SPRED2: variants seen among roughly 807,000 people sequenced by gnomAD.
SPRED2 encodes the protein sprouty related EVH1 domain containing 2.
In SPRED2, 47 loss-of-function variants were observed where a neutral mutation model predicts 43.0. The ratio of observed to expected loss-of-function variants is 1.09; its 90% CI spans 0.87 to 1.40. SPRED2 has a LOEUF of 1.40. SPRED2 is among the 40% of genes most tolerant of loss of function. SPRED2 has a pLI of 0.00. For synonymous variants in SPRED2, 225 were observed against 225.7 expected, an observed-to-expected ratio of 1.00 and a Z score of 0.03; for missense variants, 561 against 586.4, an observed-to-expected ratio of 0.96 and a Z score of 0.45.
At chr2:65,411,074 G>C (rs926887431) in intron 1 of SPRED2, among the ~76,000 whole-genome samples, 4 of 152,120 alleles carry the variant, frequency 2.6e-5, no homozygotes, top group African/African-American at 4.8e-5. Flanking sequence ...TCTCTTTCAG[G>C]GTTTTCCATT....
rs1392022223 is a variant in SPRED2 at position 65,333,197 on chromosome 2, C to T, written c.374-1146G>A. ...ATGAGAATCGCTTGAACCTGGGAGA[C>T]GGAGGTTGCAGTGAGCCGAGATGGC... On this transcript the variant is annotated intron_variant, in intron 3 of 5. Transcript: ENST00000356388. Among the ~76,000 whole-genome samples, 6 of 147,002 alleles carry T rather than the reference C, an allele frequency of 4.1e-5. No homozygotes were observed. The South Asian group carries it at 6.4e-4, about 16-fold the overall frequency.
chr2:65,315,301 G>C lies in SPRED2; in HGVS notation c.589-1132C>G, dbSNP rs114679909. 5.7e-3 allele frequency among the ~76,000 whole-genome samples: 869 copies of C among 152,268 alleles called. 10 individuals carry two copies. Among genetic ancestry groups the C allele is most frequent in the African/African-American group, 0.02 (833 of 41,548 alleles). The stretch of plus-strand genomic sequence containing the variant: ...GGTTCCATTTCTGTCGAACTGCATA[G>C]GACTGTTTTGAGAATGAAGAGAAAC... On this transcript the variant is annotated intron_variant, in intron 5 of 5. Coordinates refer to ENST00000356388, the MANE Select transcript of SPRED2 (RefSeq NM_181784.3).
At chr2:65,359,937 TGCCTGTAGTCCCA>T (rs778289273) in intron 1 of SPRED2, among the ~76,000 whole-genome samples, 4 of 151,644 alleles carry the variant, frequency 2.6e-5, no homozygotes, top group Non-Finnish European at 5.9e-5. Context: ...TGGTTCTGTG[TGCCTGTAGTCCCA>T]GCTACTCGGG....
Position 65,312,392 on chromosome 2 carries a change from C to T in SPRED2, c.*1109G>A, listed in dbSNP as rs1438798689. On this transcript the variant is annotated 3_prime_UTR_variant, in exon 6 of 6. Coordinates refer to ENST00000356388, the MANE Select transcript of SPRED2 (RefSeq NM_181784.3). Reference sequence around the variant, plus strand: ...CCCATGAAGAAAATGCAACCCACCACTCTTCAAATTTATGACATTTAAAAA... The same window carrying T: ...CCCATGAAGAAAATGCAACCCACCATTCTTCAAATTTATGACATTTAAAAA... 1.0e-6 allele frequency: 1 copy of T among 985,308 alleles called. No individual in the cohort carries two copies. The highest frequency in any genetic ancestry group is 6.1e-5 in the Admixed American group (1 of 16,270). 61.0% of individuals were successfully genotyped at this position (985,308 alleles called of 1,614,324 possible). A position where few individuals can be genotyped will look rare whatever the true frequency, so the allele number is the denominator to read the frequency against.
chr2:65,312,853 G>T lies in SPRED2; in HGVS notation c.*648C>A. 1.0e-6 allele frequency: 1 copy of T among 985,866 alleles called. No homozygotes were observed. Among genetic ancestry groups the T allele is most frequent in the African/African-American group, 1.7e-5 (1 of 57,352 alleles). 61.1% of individuals were successfully genotyped at this position (985,866 alleles called of 1,614,324 possible). A position where few individuals can be genotyped will look rare whatever the true frequency, so the allele number is the denominator to read the frequency against. On this transcript the variant is annotated 3_prime_UTR_variant, in exon 6 of 6. Transcript: ENST00000356388. ...AACAGATTTTGGGGGGGCAGAAAAT[G>T]ATGATGGGCTAAAGATAGAAACTGC...
chr2:65,373,781 C>A (rs138351170), intron 1 of SPRED2: 1 of 152,168 alleles, frequency 6.6e-6, no homozygotes, highest in East Asian at 1.9e-4. Flanking sequence ...GGTAAACCCA[C>A]GGTAGACTGG....
intron 1 of SPRED2, among the ~76,000 whole-genome samples, chr2:65,399,383 C>A (rs1190511725): frequency 8.0e-6 from 1 of 125,388 alleles, no homozygotes; most frequent in Non-Finnish European, 1.7e-5. Context: ...AACTATTATT[C>A]TTTTTTTTTT....
At chr2:65,335,149 A>G (rs980709384) in intron 2 of SPRED2, among the ~76,000 whole-genome samples, 1 of 152,030 alleles carries the variant, frequency 6.6e-6, no homozygotes, top group South Asian at 2.1e-4. Flanking sequence ...CGAGGCTCCA[A>G]ATTCCAAAAG....
At position 65,312,170 on chromosome 2, in the gene SPRED2, G is replaced by A. The variant is rs747934204; in HGVS notation, c.*1331C>T. On this transcript the variant is annotated 3_prime_UTR_variant, in exon 6 of 6. Transcript: ENST00000356388. ...TTCCAGCTAATTAGAAGCCTCCTCC[G>A]TGGCAAGGCGACAGGCAGAACCAGT... 2.6e-5 allele frequency: 26 copies of A among 985,544 alleles called. No homozygotes were observed. Among genetic ancestry groups the A allele is most frequent in the African/African-American group, 7.0e-5 (4 of 57,198 alleles). 61.0% of individuals were successfully genotyped at this position (985,544 alleles called of 1,614,324 possible). A position where few individuals can be genotyped will look rare whatever the true frequency, so the allele number is the denominator to read the frequency against.
Position 65,377,312 on chromosome 2 carries a change from GA to G in SPRED2, c.27-32417del, listed in dbSNP as rs1447834127. Among the ~76,000 whole-genome samples the G allele has an allele frequency of 2.0e-5, 3 of 152,252 alleles. No individual in the cohort carries two copies. In the East Asian group the frequency reaches 5.8e-4, roughly 29 times the overall value. ...ATCAAGACAAAGCCCTTCTAAAGAAGAAAAAAGCTACAGAAAAATAAAACCA... is the reference window on the plus strand; with the variant it reads ...ATCAAGACAAAGCCCTTCTAAAGAAGAAAAAGCTACAGAAAAATAAAACCA... On this transcript the variant is annotated intron_variant, in intron 1 of 5. Transcript: ENST00000356388.
chr2:65,356,103 C>T (rs895451073), intron 1 of SPRED2, among the ~76,000 whole-genome samples: 2 of 152,160 alleles, frequency 1.3e-5, no homozygotes, highest in Admixed American at 6.5e-5. Context: ...ACTCCTATGC[C>T]TGACTTTCTC....
At chr2:65,405,984 C>A (rs566159778) in intron 1 of SPRED2, among the ~76,000 whole-genome samples, 1 of 152,188 alleles carries the variant, frequency 6.6e-6, no homozygotes, top group Non-Finnish European at 1.5e-5. Flanking sequence ...CTTCCTGGCA[C>A]TCATTTGGAG....
chr2:65,420,361 T>C (rs991825362), intron 1 of SPRED2, among the ~76,000 whole-genome samples: 1 of 152,196 alleles, frequency 6.6e-6, no homozygotes, highest in East Asian at 1.9e-4. Context: ...GTACCCCTTT[T>C]GGGGGGAAAC....
At chr2:65,366,529 G>C (rs777705521) in intron 1 of SPRED2, 340 of 1,513,412 alleles carry the variant, frequency 2.2e-4, no homozygotes, top group Non-Finnish European at 3.0e-4. Context: ...GCAGGCACCA[G>C]AAAGGTTAAG....
chr2:65,431,832 G>T, intron 1 of SPRED2, 130 bp downstream of exon 1: 1 of 1,136,934 alleles, frequency 8.8e-7, no homozygotes, highest in Non-Finnish European at 1.3e-6. Flanking sequence ...GCGTCCCAAC[G>T]CCGAAAGGTC....
intron 4 of SPRED2, among the ~76,000 whole-genome samples, chr2:65,327,145 C>G (rs1288334663): frequency 2.0e-5 from 3 of 152,110 alleles, no homozygotes; most frequent in East Asian, 3.9e-4. Flanking sequence ...TGTGAGCCAC[C>G]ATGCACGGCC....
intron 2 of SPRED2, among the ~76,000 whole-genome samples, chr2:65,335,132 C>T (rs1275672248): frequency 6.6e-6 from 1 of 152,040 alleles, no homozygotes; most frequent in African/African-American, 2.4e-5. Flanking sequence ...ATCTAGCTTC[C>T]CTCCCCCGAG....
chr2:65,418,141 A>G (rs1181329927), intron 1 of SPRED2, among the ~76,000 whole-genome samples: 2 of 152,244 alleles, frequency 1.3e-5, no homozygotes, highest in Admixed American at 1.3e-4. Context: ...CCCTGACTCC[A>G]GCCTAGCCTG....
At position 65,412,153 on chromosome 2, in the gene SPRED2, A is replaced by AAAG. The variant is rs1485296725; in HGVS notation, c.26+19806_26+19808dup. Reference sequence around the variant, plus strand: ...AAAAAAAAAGAAAAGAAAGAAAGAAAAAGAAAAAGAAAATGAACAGCAAGG... The same window carrying AAAG: ...AAAAAAAAAGAAAAGAAAGAAAGAAAAAGAAGAAAAAGAAAATGAACAGCAAGG... On this transcript the variant is annotated intron_variant, in intron 1 of 5. Coordinates refer to ENST00000356388, the MANE Select transcript of SPRED2 (RefSeq NM_181784.3). Among the ~76,000 whole-genome samples the AAAG allele has an allele frequency of 2.1e-3, 320 of 152,056 alleles. 3 individuals are homozygous for AAAG. The East Asian group carries it at 0.048, about 23-fold the overall frequency.
Sources: allele counts gnomAD v4.1 joint callset (sites outside exome capture counted in the v4.1 genomes callset), GRCh38; gene constraint gnomAD v4.1.1; transcripts MANE v1.5; gene names NCBI Gene and HGNC (gene_info 2026-07-23, HGNC 2026-07-21).